Variants in EBF1 observed in about 807,000 individuals in gnomAD.
EBF1 encodes the protein EBF transcription factor 1.
Under a neutral mutation model 68.4 loss-of-function variants are expected in EBF1, and 10 were observed. The observed-to-expected ratio is 0.15, with a 90% CI of 0.09 to 0.25. The LOEUF (loss-of-function observed/expected upper bound fraction) is 0.25, where lower values mean the gene tolerates loss of function less well. Among genes scored for constraint, EBF1 ranks in the 10% least tolerant of loss-of-function variants. The pLI, the probability that EBF1 is intolerant of heterozygous loss-of-function variation, is 1.00. For missense variants in EBF1, 509 were observed against 794.4 expected, an observed-to-expected ratio of 0.64 and a Z score of 4.32; for synonymous variants, 298 against 299.8, an observed-to-expected ratio of 0.99 and a Z score of 0.06.
chr5:158,796,279 T>C, intron 9 of EBF1, 66 bp downstream of exon 9: 1 of 1,474,100 alleles, frequency 6.8e-7, no homozygotes, highest in Non-Finnish European at 9.1e-7. Flanking sequence ...CTATTAGAAA[T>C]TCAAGTATAG....
intron 6 of EBF1, among the ~76,000 whole-genome samples, chr5:159,049,630 A>C (rs1469358929): frequency 6.6e-6 from 1 of 152,252 alleles, no homozygotes; most frequent in Non-Finnish European, 1.5e-5. Flanking sequence ...ATTTTGGTTG[A>C]GATCCAGCCC....
intron 8 of EBF1, among the ~76,000 whole-genome samples, chr5:158,815,000 T>C (rs1300280569): frequency 6.6e-6 from 1 of 152,176 alleles, no homozygotes; most frequent in Non-Finnish European, 1.5e-5. Context: ...CTGTTGAAGA[T>C]ACCAGCACAA....
At chr5:158,903,922 C>T (rs72812387) in intron 6 of EBF1, among the ~76,000 whole-genome samples, 4,401 of 152,216 alleles carry the variant, frequency 0.029, 97 homozygotes, top group Non-Finnish European at 0.046. Flanking sequence ...ATCATGTCCA[C>T]TTGATACAAG....
At chr5:158,808,649 T>C (rs919854665) in intron 8 of EBF1, among the ~76,000 whole-genome samples, 1 of 152,132 alleles carries the variant, frequency 6.6e-6, no homozygotes, top group South Asian at 2.1e-4. Flanking sequence ...AGGATTGTTG[T>C]AAGGTTTGAA....
At chr5:158,789,489 G>A (rs947948151) in intron 9 of EBF1, among the ~76,000 whole-genome samples, 1 of 152,070 alleles carries the variant, frequency 6.6e-6, no homozygotes, top group African/African-American at 2.4e-5. Flanking sequence ...AATTTAGGAA[G>A]GTTTGGTAAA....
intron 8 of EBF1, among the ~76,000 whole-genome samples, chr5:158,822,251 TGGA>T (rs1785004167): frequency 6.7e-6 from 1 of 149,060 alleles, no homozygotes; most frequent in Non-Finnish European, 1.5e-5. Context: ...CACTCATTCT[TGGA>T]TGGACGGATG....
intron 6 of EBF1, among the ~76,000 whole-genome samples, chr5:158,858,232 G>C (rs1224687844): frequency 6.6e-6 from 1 of 152,128 alleles, no homozygotes; most frequent in Admixed American, 6.6e-5. Flanking sequence ...GCATCTAGTG[G>C]TAAACTTGCA....
Position 159,099,526 on chromosome 5 carries a change from TAAAAAAAAAAAA to T in EBF1, c.-60_-49del. ...AAATCTCCTCCCCCTTGAAAAAAAT[TAAAAAAAAAAAA>T]AAAGGAAAGAAAAGAAAGAAAAGAA... On this transcript the variant is annotated 5_prime_UTR_variant, in exon 1 of 16. Transcript: ENST00000313708. 9.1e-7 allele frequency: 1 copy of T among 1,103,436 alleles called. No individual in the cohort carries two copies. Among genetic ancestry groups the T allele is most frequent in the Non-Finnish European group, 1.2e-6 (1 of 852,628 alleles). 68.4% of individuals were successfully genotyped at this position (1,103,436 alleles called of 1,614,324 possible).
At chr5:158,933,547 T>G (rs1811347105) in intron 6 of EBF1, among the ~76,000 whole-genome samples, 1 of 152,154 alleles carries the variant, frequency 6.6e-6, no homozygotes, top group South Asian at 2.1e-4. Flanking sequence ...CATTAAAGGG[T>G]TCACTGATTG....
intron 6 of EBF1, among the ~76,000 whole-genome samples, chr5:158,908,836 A>G (rs920858358): frequency 6.6e-6 from 1 of 152,248 alleles, no homozygotes; most frequent in Non-Finnish European, 1.5e-5. Context: ...CTTTGGAGCC[A>G]TGCAGAGCAC....
chr5:158,939,253 A>AT (rs1478566311), intron 6 of EBF1, among the ~76,000 whole-genome samples: 1 of 152,224 alleles, frequency 6.6e-6, no homozygotes, highest in Non-Finnish European at 1.5e-5. Flanking sequence ...TCAAGGACTT[A>AT]TAGCCTAGAC....
chr5:158,862,685 A>AT (rs948807503), intron 6 of EBF1, among the ~76,000 whole-genome samples: 1 of 152,144 alleles, frequency 6.6e-6, no homozygotes, highest in Non-Finnish European at 1.5e-5. Flanking sequence ...GAGAAAGCTC[A>AT]TTTTTTAAGC....
chr5:159,007,137 C>T (rs1164157063), intron 6 of EBF1, among the ~76,000 whole-genome samples: 1 of 152,002 alleles, frequency 6.6e-6, no homozygotes, highest in Non-Finnish European at 1.5e-5. Context: ...ATCCCAGAAC[C>T]CAGGCAATTA....
chr5:158,883,506 G>A (rs1011601847), intron 6 of EBF1, among the ~76,000 whole-genome samples: 7 of 151,830 alleles, frequency 4.6e-5, no homozygotes, highest in Non-Finnish European at 1.0e-4. Context: ...CATTCAGCAT[G>A]CCCCACCGTG....
intron 13 of EBF1, 38 bp downstream of exon 13, chr5:158,712,932 T>TC (rs1759755038): frequency 7.1e-7 from 1 of 1,398,608 alleles, no homozygotes; most frequent in Non-Finnish European, 9.4e-7. Context: ...GATGGGGTGC[T>TC]TAAGGTTGGG....
At chr5:159,018,508 T>C (rs1024608520) in intron 6 of EBF1, among the ~76,000 whole-genome samples, 19 of 152,266 alleles carry the variant, frequency 1.2e-4, no homozygotes, top group Admixed American at 1.2e-3. Flanking sequence ...TGAAGAACAT[T>C]ATTTAAACTA....
intron 10 of EBF1, among the ~76,000 whole-genome samples, chr5:158,769,678 T>C (rs1243721282): frequency 6.6e-6 from 1 of 151,972 alleles, no homozygotes; most frequent in African/African-American, 2.4e-5. Flanking sequence ...TCAGAATCAC[T>C]GATCACATCA....
chr5:158,853,646 G>C (rs1264918040), intron 6 of EBF1, among the ~76,000 whole-genome samples: 1 of 152,016 alleles, frequency 6.6e-6, no homozygotes, highest in Non-Finnish European at 1.5e-5. Context: ...GTGCTGAGAG[G>C]GTGGCAGGAG....
At chr5:159,023,933 T>C (rs1428721303) in intron 6 of EBF1, among the ~76,000 whole-genome samples, 1 of 152,208 alleles carries the variant, frequency 6.6e-6, no homozygotes, top group Non-Finnish European at 1.5e-5. Flanking sequence ...ACATGTTCTC[T>C]TTAACAACTC....
Sources: allele counts gnomAD v4.1 joint callset (sites outside exome capture counted in the v4.1 genomes callset), GRCh38; gene constraint gnomAD v4.1.1; transcripts MANE v1.5; gene names NCBI Gene and HGNC (gene_info 2026-07-23, HGNC 2026-07-21).